The following MALRD1 variants were observed in gnomAD, a reference collection of about 807,000 sequenced individuals.
The protein encoded by MALRD1 is MAM and LDL-receptor class A domain-containing protein 1.
A neutral mutation model predicts 242.1 loss-of-function variants in MALRD1; 247 were observed. That is an observed-to-expected ratio of 1.02 (90% confidence interval 0.92 to 1.13). The LOEUF (loss-of-function observed/expected upper bound fraction) is 1.13, where lower values mean the gene tolerates loss of function less well. Ranked by LOEUF, MALRD1 falls within the 50% of genes most tolerant of loss-of-function variation. The pLI is 0.00. For missense variants in MALRD1, 2,989 were observed against 2,533.1 expected (o/e 1.18, Z -3.86); for synonymous variants, 995 against 866.6 (o/e 1.15, Z -2.60).
At chr10:19,084,122 G>A (rs956026388) in intron 2 of MALRD1, among the ~76,000 whole-genome samples, 2 of 151,764 alleles carry the variant, frequency 1.3e-5, no homozygotes, top group Non-Finnish European at 2.9e-5. Flanking sequence ...ACTATTTTAG[G>A]GTATTCTTTA....
intron 13 of MALRD1, among the ~76,000 whole-genome samples, chr10:19,169,740 C>A (rs1174283544): frequency 6.6e-6 from 1 of 152,156 alleles, no homozygotes; most frequent in African/African-American, 2.4e-5. Flanking sequence ...ATTCTACCTA[C>A]AAATAGTTAA....
chr10:19,298,448 A>G (rs929111218), intron 21 of MALRD1, among the ~76,000 whole-genome samples: 2 of 152,162 alleles, frequency 1.3e-5, no homozygotes, highest in East Asian at 1.9e-4. Context: ...AGGAAAGACA[A>G]GAAGGATAGG....
Position 19,143,854 on chromosome 10 carries a change from A to T in MALRD1, c.1412-2344A>T, listed in dbSNP as rs563222398. ...GGCAGAGCTCACAGAGAACCGAGGG[A>T]TTAGACCAGAGGGTTCTGTAAATGC... On this transcript the variant is annotated intron_variant, in intron 10 of 39. Transcript: ENST00000454679. 2.6e-5 allele frequency among the ~76,000 whole-genome samples: 4 copies of T among 152,314 alleles called. No individual in the cohort carries two copies. In the South Asian group the frequency reaches 8.3e-4, roughly 32 times the overall value.
At chr10:19,319,103 G>A (rs1842818328) in intron 21 of MALRD1, among the ~76,000 whole-genome samples, 1 of 151,750 alleles carries the variant, frequency 6.6e-6, no homozygotes, top group Non-Finnish European at 1.5e-5. Context: ...TGACTGGTTG[G>A]CCTTTACATC....
chr10:19,327,731 T>C, intron 23 of MALRD1, 58 bp downstream of exon 23: 1 of 1,322,000 alleles, frequency 7.6e-7, no homozygotes, highest in Non-Finnish European at 1.1e-6. Flanking sequence ...TTCATCCTCA[T>C]TTATTTCCTT....
chr10:19,309,952 G>C (rs867429384), intron 21 of MALRD1, among the ~76,000 whole-genome samples: 1 of 151,472 alleles, frequency 6.6e-6, no homozygotes, highest in African/African-American at 2.4e-5. Context: ...AAGGAGACCA[G>C]ATTGCCCCAT....
chr10:19,657,804 A>G (rs1436934764), intron 36 of MALRD1, among the ~76,000 whole-genome samples: 1 of 152,164 alleles, frequency 6.6e-6, no homozygotes, highest in African/African-American at 2.4e-5. Flanking sequence ...AGAAAGAAGA[A>G]TCAAACAATA....
chr10:19,603,061 T>G (rs755044354), intron 34 of MALRD1, among the ~76,000 whole-genome samples: 1 of 152,158 alleles, frequency 6.6e-6, no homozygotes, highest in Non-Finnish European at 1.5e-5. Flanking sequence ...TCTTGTAAAT[T>G]TGTTTGAGTT....
intron 36 of MALRD1, among the ~76,000 whole-genome samples, chr10:19,665,876 T>G (rs1036316644): frequency 7.9e-5 from 10 of 126,556 alleles, no homozygotes; most frequent in Admixed American, 5.1e-4. Context: ...TTGAGATCTT[T>G]TCTAATGATT....
intron 21 of MALRD1, among the ~76,000 whole-genome samples, chr10:19,294,424 G>A (rs563285077): frequency 2.3e-4 from 35 of 152,178 alleles, no homozygotes; most frequent in Non-Finnish European, 4.4e-4. Flanking sequence ...AGTGATTTAT[G>A]CAGATATATC....
At chr10:19,247,345 A>G (rs991721032) in intron 18 of MALRD1, among the ~76,000 whole-genome samples, 1 of 152,122 alleles carries the variant, frequency 6.6e-6, no homozygotes, top group Non-Finnish European at 1.5e-5. Flanking sequence ...GAAATCACAT[A>G]AGTAATGAAA....
At chr10:19,632,243 A>G (rs1839934747) in intron 36 of MALRD1, among the ~76,000 whole-genome samples, 1 of 152,154 alleles carries the variant, frequency 6.6e-6, no homozygotes, top group South Asian at 2.1e-4. Context: ...TTGGAGGACA[A>G]CCTGGTTACT....
intron 38 of MALRD1, among the ~76,000 whole-genome samples, chr10:19,725,221 C>A (rs7073117): frequency 6.6e-6 from 1 of 151,984 alleles, no homozygotes; most frequent in Admixed American, 6.6e-5. Context: ...CCATAATCCC[C>A]ACAAGCCGTG....
At chr10:19,306,683 A>G (rs1237259666) in intron 21 of MALRD1, among the ~76,000 whole-genome samples, 3 of 151,234 alleles carry the variant, frequency 2.0e-5, no homozygotes, top group Admixed American at 6.6e-5. Flanking sequence ...GGACTCAGTA[A>G]TTTATACATA....
intron 14 of MALRD1, among the ~76,000 whole-genome samples, chr10:19,183,200 A>C (rs957902350): frequency 6.7e-6 from 1 of 150,102 alleles, no homozygotes; most frequent in Non-Finnish European, 1.5e-5. Flanking sequence ...CTAATTCTTC[A>C]TCCCATTTTT....
At chr10:19,567,409 T>C (rs1344750706) in intron 32 of MALRD1, 93 bp from the exon 33 acceptor site, 3 of 1,105,034 alleles carry the variant, frequency 2.7e-6, no homozygotes, top group Non-Finnish European at 3.9e-6. Flanking sequence ...AGCTGTTACA[T>C]AGCCAGAGAT....
At position 19,563,932 on chromosome 10, in the gene MALRD1, C is replaced by A. The variant is rs562113872; in HGVS notation, c.5479-3570C>A. Among the ~76,000 whole-genome samples the A allele has an allele frequency of 5.3e-5, 8 of 152,148 alleles. No homozygotes were observed. In the East Asian group the frequency reaches 1.6e-3, roughly 30 times the overall value. ...CTGGTTGTTGTAAAGTGTGGCACACCGCCCGCCTCCGGCACTGTCTCTCTT... is the reference window on the plus strand; with the variant it reads ...CTGGTTGTTGTAAAGTGTGGCACACAGCCCGCCTCCGGCACTGTCTCTCTT... On this transcript the variant is annotated intron_variant, in intron 32 of 39. Transcript: ENST00000454679.
At chr10:19,294,617 G>T (rs1841604770) in intron 21 of MALRD1, among the ~76,000 whole-genome samples, 1 of 152,130 alleles carries the variant, frequency 6.6e-6, no homozygotes, top group African/African-American at 2.4e-5. Flanking sequence ...GGTCCACTCA[G>T]GTAACGACCT....
intron 18 of MALRD1, among the ~76,000 whole-genome samples, chr10:19,217,383 T>C (rs1345951945): frequency 6.6e-6 from 1 of 152,168 alleles, no homozygotes; most frequent in East Asian, 1.9e-4. Flanking sequence ...GAAACATGCT[T>C]GGAAAATACC....
Sources: allele counts gnomAD v4.1 joint callset (sites outside exome capture counted in the v4.1 genomes callset), GRCh38; gene constraint gnomAD v4.1.1; transcripts MANE v1.5; gene names NCBI Gene and HGNC (gene_info 2026-07-23, HGNC 2026-07-21).